The following CDKL1 variants were observed in gnomAD, a reference collection of about 807,000 sequenced individuals.
CDKL1 encodes the protein cyclin-dependent kinase-like 1.
CDKL1 carries 41 observed loss-of-function variants against 42.0 expected under a neutral mutation model. That is an observed-to-expected ratio of 0.98 (90% CI 0.76 to 1.27). The LOEUF (loss-of-function observed/expected upper bound fraction) is 1.27, where lower values mean the gene tolerates loss of function less well. CDKL1 is among the 50% of genes most tolerant of loss of function. CDKL1 has a pLI of 0.00. For synonymous variants in CDKL1, 153 were observed against 158.6 expected, an observed-to-expected ratio of 0.96 and a Z score of 0.26; for missense variants, 394 against 428.4, an observed-to-expected ratio of 0.92 and a Z score of 0.71.
At chr14:50,339,109 T>C in intron 6 of CDKL1, 80 bp from the exon 7 acceptor site, 1 of 1,006,402 alleles carries the variant, frequency 9.9e-7, no homozygotes, top group East Asian at 2.4e-5. Flanking sequence ...AATGCTGTGT[T>C]TGTCTGTGCC....
intron 2 of CDKL1, among the ~76,000 whole-genome samples, chr14:50,374,275 A>G (rs2034667099): frequency 6.6e-6 from 1 of 152,192 alleles, no homozygotes; most frequent in African/African-American, 2.4e-5. Context: ...GGATGTCGGG[A>G]GGGTTGAGTA....
chr14:50,336,314 A>G (rs1384427643), intron 7 of CDKL1: 2 of 1,169,416 alleles, frequency 1.7e-6, no homozygotes, highest in Non-Finnish European at 2.2e-6. Flanking sequence ...CTGGGAAGCC[A>G]TGGGAAGCTT....
chr14:50,341,470 G>GT (rs1159125050), intron 5 of CDKL1, among the ~76,000 whole-genome samples: 1 of 133,738 alleles, frequency 7.5e-6, no homozygotes, highest in East Asian at 2.1e-4. Flanking sequence ...GGGGGGGGGG[G>GT]GGTTATTTGG....
intron 2 of CDKL1, among the ~76,000 whole-genome samples, chr14:50,361,394 T>C (rs1250563804): frequency 2.0e-5 from 3 of 152,260 alleles, no homozygotes; most frequent in Admixed American, 1.3e-4. Context: ...CTAAAGCTCA[T>C]GTCTTATTAG....
intron 2 of CDKL1, among the ~76,000 whole-genome samples, chr14:50,391,044 C>G (rs1303827758): frequency 6.6e-6 from 1 of 152,038 alleles, no homozygotes; most frequent in African/African-American, 2.4e-5. Context: ...CACGTTGCCC[C>G]TGCTGGTCTT....
At position 50,347,813 on chromosome 14, in the gene CDKL1, G is replaced by A. The variant is rs898886491; in HGVS notation, c.291-2755C>T. Among the ~76,000 whole-genome samples the A allele has an allele frequency of 2.6e-5, 4 of 152,288 alleles. No individual in the cohort carries two copies. The South Asian group carries it at 6.2e-4, about 24-fold the overall frequency. On this transcript the variant is annotated intron_variant, in intron 3 of 9. Transcript: ENST00000395834. ...GAATCCAGCTAAAGAAGAGGAGCTCGGAAGGAAGCTGTGAGACCCTTCCCC... is the reference window on the plus strand; with the variant it reads ...GAATCCAGCTAAAGAAGAGGAGCTCAGAAGGAAGCTGTGAGACCCTTCCCC...
chr14:50,351,567 C>T (rs1726388896), intron 3 of CDKL1, among the ~76,000 whole-genome samples: 1 of 151,926 alleles, frequency 6.6e-6, no homozygotes, highest in Non-Finnish European at 1.5e-5. Context: ...TATCCCATCT[C>T]TACAAAAAAT....
At chr14:50,331,502 C>T (rs1442719042) in intron 9 of CDKL1, 1 of 154,304 alleles carries the variant, frequency 6.5e-6, no homozygotes, top group Admixed American at 6.4e-5. Context: ...CCTTTTCCCT[C>T]CTCCCAGCCT....
intron 2 of CDKL1, among the ~76,000 whole-genome samples, chr14:50,386,432 G>A (rs566936495): frequency 5.3e-5 from 8 of 151,818 alleles, no homozygotes; most frequent in East Asian, 3.9e-4. Context: ...AGACTCTGTC[G>A]CTAAAAAGAA....
intron 2 of CDKL1, among the ~76,000 whole-genome samples, chr14:50,387,301 C>T (rs937365268): frequency 1.3e-5 from 2 of 151,926 alleles, no homozygotes; most frequent in Non-Finnish European, 2.9e-5. Context: ...GCAGGTGGAT[C>T]ACCTGAAGTC....
At chr14:50,348,028 G>A (rs1229535034) in intron 3 of CDKL1, among the ~76,000 whole-genome samples, 1 of 152,202 alleles carries the variant, frequency 6.6e-6, no homozygotes, top group East Asian at 1.9e-4. Flanking sequence ...AACCTGACTA[G>A]AACTACGCTG....
intron 8 of CDKL1, chr14:50,333,529 A>ATAAT (rs11570865): frequency 0.58 from 87,195 of 151,524 alleles, 25,026 homozygotes; most frequent in Middle Eastern, 0.62. Context: ...AAACTCATAA[A>ATAAT]CCACCCCTTG....
chr14:50,375,828 T>C (rs1193722756), intron 2 of CDKL1, among the ~76,000 whole-genome samples: 1 of 151,660 alleles, frequency 6.6e-6, no homozygotes, highest in Non-Finnish European at 1.5e-5. Flanking sequence ...GTCATGTTGA[T>C]AGTATGTACA....
chr14:50,335,986 C>T, intron 7 of CDKL1: 1 of 1,366,856 alleles, frequency 7.3e-7, no homozygotes. Flanking sequence ...CACCCTCATA[C>T]TTCCACTCAT....
chr14:50,362,052 AGGG>A (rs1309671155), intron 2 of CDKL1: 2 of 208,512 alleles, frequency 9.6e-6, no homozygotes, highest in East Asian at 3.7e-4. Context: ...CCGGGCAGTG[AGGG>A]GCTTAGCACC....
chr14:50,387,572 G>A (rs1387899360), intron 2 of CDKL1, among the ~76,000 whole-genome samples: 1 of 151,664 alleles, frequency 6.6e-6, no homozygotes, highest in African/African-American at 2.4e-5. Context: ...GCAGTCTGTG[G>A]CACTGAGCAG....
chr14:50,349,315 A>G (rs1448127811), intron 3 of CDKL1, among the ~76,000 whole-genome samples: 9 of 152,256 alleles, frequency 5.9e-5, no homozygotes, highest in Non-Finnish European at 1.3e-4. Flanking sequence ...GTGTGAGGAT[A>G]GAATAAAGCA....
At chr14:50,344,816 G>T (rs906430169) in intron 4 of CDKL1, among the ~76,000 whole-genome samples, 170 bp downstream of exon 4, 1 of 152,140 alleles carries the variant, frequency 6.6e-6, no homozygotes, top group African/African-American at 2.4e-5. Flanking sequence ...TATAACCTGA[G>T]CAAGAAGGAA....
chr14:50,389,758 C>A (rs139704839), intron 2 of CDKL1, among the ~76,000 whole-genome samples: 1,667 of 152,204 alleles, frequency 0.011, 34 homozygotes, highest in African/African-American at 0.037. Context: ...TCCACAGAAG[C>A]CACAAATCTC....
Sources: allele counts gnomAD v4.1 joint callset (sites outside exome capture counted in the v4.1 genomes callset), GRCh38; gene constraint gnomAD v4.1.1; transcripts MANE v1.5; gene names NCBI Gene and HGNC (gene_info 2026-07-23, HGNC 2026-07-21).